KCND2: variants seen among roughly 807,000 people sequenced by gnomAD.
The protein encoded by KCND2 is A-type voltage-gated potassium channel KCND2.
Under a neutral mutation model 54.4 loss-of-function variants are expected in KCND2, and 16 were observed. That is an observed-to-expected ratio of 0.29 (90% CI 0.20 to 0.45). The LOEUF (loss-of-function observed/expected upper bound fraction) is 0.45. Among genes scored for constraint, KCND2 ranks in the 20% least tolerant of loss-of-function variants. KCND2 has a pLI of 1.00. For missense variants in KCND2, 486 were observed against 824.2 expected (o/e 0.59, Z 5.02); for synonymous variants, 317 against 310.7 (o/e 1.02, Z -0.21).
At chr7:120,306,904 C>A (rs1332043122) in intron 1 of KCND2, among the ~76,000 whole-genome samples, 1 of 151,994 alleles carries the variant, frequency 6.6e-6, no homozygotes, top group Non-Finnish European at 1.5e-5. Context: ...ATTGTGAACC[C>A]AAGCAGCTCT....
At chr7:120,336,264 G>A (rs1035620625) in intron 1 of KCND2, among the ~76,000 whole-genome samples, 42 of 152,206 alleles carry the variant, frequency 2.8e-4, no homozygotes, top group African/African-American at 9.1e-4. Flanking sequence ...TAATTACCCC[G>A]CTTTCGCAGT....
rs576459944 is a variant in KCND2 at position 120,301,269 on chromosome 7, C to T, written c.1115+25522C>T. Among the ~76,000 whole-genome samples, 9 of 152,250 alleles carry T rather than the reference C, an allele frequency of 5.9e-5. No homozygotes were observed. In the South Asian group the frequency reaches 1.9e-3, roughly 32 times the overall value. ...TTCATTTTACATAGTCTATGCCACT[C>T]TTTCACTTCTAGGCAAGATCATGGG... is the stretch of plus-strand genomic sequence containing the variant. On this transcript the variant is annotated intron_variant, in intron 1 of 5. Coordinates refer to ENST00000331113, the MANE Select transcript of KCND2 (RefSeq NM_012281.3).
chr7:120,667,962 GAA>G (rs1041354845), intron 1 of KCND2, among the ~76,000 whole-genome samples: 3 of 150,998 alleles, frequency 2.0e-5, no homozygotes, highest in Non-Finnish European at 3.0e-5. Flanking sequence ...CCAGAAGCCA[GAA>G]AAAAAAGAGT....
intron 1 of KCND2, among the ~76,000 whole-genome samples, chr7:120,687,049 C>T (rs1364212309): frequency 6.6e-6 from 1 of 152,080 alleles, no homozygotes; most frequent in Non-Finnish European, 1.5e-5. Flanking sequence ...GGGGTCCTCT[C>T]CTACCCTGCT....
intron 1 of KCND2, among the ~76,000 whole-genome samples, chr7:120,505,736 G>C (rs1365629032): frequency 6.6e-6 from 1 of 151,592 alleles, no homozygotes; most frequent in Non-Finnish European, 1.5e-5. Flanking sequence ...AAGAATTCTG[G>C]ACTCAGAGTC....
chr7:120,606,203 G>A (rs1207872420), intron 1 of KCND2, among the ~76,000 whole-genome samples: 2 of 152,012 alleles, frequency 1.3e-5, no homozygotes, highest in Non-Finnish European at 2.9e-5. Flanking sequence ...TATGAAAATT[G>A]ACTAATAGAT....
chr7:120,524,159 C>T (rs1202333496), intron 1 of KCND2, among the ~76,000 whole-genome samples: 5 of 151,448 alleles, frequency 3.3e-5, no homozygotes, highest in East Asian at 2.0e-4. Context: ...CGCCGGAACC[C>T]GGGAGGTGGA....
At chr7:120,699,099 T>C (rs946460040) in intron 1 of KCND2, among the ~76,000 whole-genome samples, 4 of 151,886 alleles carry the variant, frequency 2.6e-5, no homozygotes, top group Non-Finnish European at 5.9e-5. Context: ...GCTAACACAG[T>C]GAAACCCTGT....
intron 2 of KCND2, among the ~76,000 whole-genome samples, chr7:120,738,003 T>G (rs938970156): frequency 6.6e-6 from 1 of 152,010 alleles, no homozygotes; most frequent in Admixed American, 6.6e-5. Context: ...GGCTTATAGA[T>G]CCTTCTCAGA....
chr7:120,438,635 C>A (rs1002597329), intron 1 of KCND2, among the ~76,000 whole-genome samples: 1 of 152,026 alleles, frequency 6.6e-6, no homozygotes, highest in South Asian at 2.1e-4. Flanking sequence ...AGTAATAAAA[C>A]CATATGATGT....
At chr7:120,689,107 G>A (rs1792239049) in intron 1 of KCND2, among the ~76,000 whole-genome samples, 1 of 152,120 alleles carries the variant, frequency 6.6e-6, no homozygotes, top group Non-Finnish European at 1.5e-5. Flanking sequence ...GTAGTACAGG[G>A]TCTTATCTTA....
intron 1 of KCND2, among the ~76,000 whole-genome samples, chr7:120,414,721 C>T (rs888258260): frequency 1.3e-5 from 2 of 152,138 alleles, no homozygotes; most frequent in East Asian, 1.9e-4. Flanking sequence ...TTTGTTGTCA[C>T]CACTTTTTCC....
chr7:120,460,707 C>T, intron 1 of KCND2, among the ~76,000 whole-genome samples: 1 of 152,046 alleles, frequency 6.6e-6, no homozygotes, highest in East Asian at 1.9e-4. Context: ...CACCTCCATA[C>T]TGATGCTCAT....
At chr7:120,347,167 G>T (rs1800331421) in intron 1 of KCND2, among the ~76,000 whole-genome samples, 1 of 151,932 alleles carries the variant, frequency 6.6e-6, no homozygotes, top group African/African-American at 2.4e-5. Flanking sequence ...TCTTACTTTT[G>T]TGATCTGTAT....
intron 1 of KCND2, among the ~76,000 whole-genome samples, chr7:120,700,853 C>T (rs1792392216): frequency 6.6e-6 from 1 of 152,052 alleles, no homozygotes; most frequent in South Asian, 2.1e-4. Context: ...ATCCATTATG[C>T]TCTGTGTCAA....
intron 1 of KCND2, among the ~76,000 whole-genome samples, chr7:120,638,474 G>A (rs1793333045): frequency 6.6e-6 from 1 of 152,130 alleles, no homozygotes; most frequent in Non-Finnish European, 1.5e-5. Context: ...TGCCATCTGG[G>A]GAGGGATTTG....
At chr7:120,606,572 TC>T (rs1157833029) in intron 1 of KCND2, among the ~76,000 whole-genome samples, 1 of 151,980 alleles carries the variant, frequency 6.6e-6, no homozygotes, top group African/African-American at 2.4e-5. Context: ...GCAGAAGGGG[TC>T]ATTATTTTTC....
rs142905919 is a variant in KCND2 at position 120,548,425 on chromosome 7, A to G, written c.1116-184478A>G. Reference sequence around the variant, plus strand: ...TTCTTTAGTTTAAATGGCATTGTCAATTCTATGCAGAATGAGTTAGAAAAA... The same window carrying G: ...TTCTTTAGTTTAAATGGCATTGTCAGTTCTATGCAGAATGAGTTAGAAAAA... On this transcript the variant is annotated intron_variant, in intron 1 of 5. Transcript: ENST00000331113. Among the ~76,000 whole-genome samples, 97 of 152,222 alleles carry G rather than the reference A, an allele frequency of 6.4e-4. 1 individual carries two copies. The Middle Eastern group carries it at 0.01, about 16-fold the overall frequency.
At chr7:120,647,767 A>G (rs1554380801) in intron 1 of KCND2, among the ~76,000 whole-genome samples, 1 of 152,252 alleles carries the variant, frequency 6.6e-6, no homozygotes, top group Non-Finnish European at 1.5e-5. Flanking sequence ...AACTCTGAAT[A>G]TAAGTATGCA....
Sources: gnomAD v4.1 joint callset for allele counts (sites outside exome capture counted in the v4.1 genomes callset) on GRCh38, gnomAD v4.1.1 for gene constraint, MANE v1.5 for transcripts, NCBI Gene and HGNC (gene_info 2026-07-23, HGNC 2026-07-21) for gene names.